NRXN3: variants seen among roughly 807,000 people sequenced by gnomAD.
NRXN3 encodes neurexin III.
Under a neutral mutation model 137.6 loss-of-function variants are expected in NRXN3, and 32 were observed. That is an observed-to-expected ratio of 0.23 (90% CI 0.18 to 0.31). The LOEUF (loss-of-function observed/expected upper bound fraction) is 0.31, where lower values mean the gene tolerates loss of function less well. Ranked by LOEUF, NRXN3 falls within the 10% of genes least tolerant of loss-of-function variation. NRXN3 has a pLI of 1.00. For synonymous variants in NRXN3, 798 were observed against 784.5 expected, an observed-to-expected ratio of 1.02 and a Z score of -0.29; for missense variants, 1,574 against 2,062.5, an observed-to-expected ratio of 0.76 and a Z score of 4.59.
chr14:79,809,186 A>G (rs998545390), intron 20 of NRXN3, among the ~76,000 whole-genome samples: 4 of 152,108 alleles, frequency 2.6e-5, no homozygotes, highest in African/African-American at 9.7e-5. Context: ...AAACCTATTG[A>G]CTCATTTAAA....
In NRXN3 at chr14:79,457,024, G is replaced by C. The variant is rs2096267150; in HGVS notation, c.3263-10197G>C. 4.6e-5 allele frequency among the ~76,000 whole-genome samples: 7 copies of C among 150,760 alleles called. No homozygotes were observed. The South Asian group carries it at 1.5e-3, about 32-fold the overall frequency. ...TTTTATCATCAGAGAGGCACTGATG[G>C]AGTGTTTCTCTGGTTCCAGGTTTAA... On this transcript the variant is annotated intron_variant, in intron 15 of 20. Transcript: ENST00000335750.
intron 4 of NRXN3, among the ~76,000 whole-genome samples, chr14:78,622,116 G>C (rs1320828330): frequency 6.6e-6 from 1 of 152,118 alleles, no homozygotes; most frequent in Non-Finnish European, 1.5e-5. Flanking sequence ...GATAGAGCTG[G>C]ATCAATGCCC....
At chr14:78,270,968 T>C (rs112886766) in intron 2 of NRXN3, among the ~76,000 whole-genome samples, 8,189 of 152,256 alleles carry the variant, frequency 0.054, 462 homozygotes, top group African/African-American at 0.14. Flanking sequence ...TGCACACATC[T>C]CAAACTTGTA....
chr14:78,338,495 G>T (rs996999989), intron 4 of NRXN3, among the ~76,000 whole-genome samples: 1 of 152,164 alleles, frequency 6.6e-6, no homozygotes, highest in Non-Finnish European at 1.5e-5. Flanking sequence ...TTGTCCCATA[G>T]CAAGCCACCT....
At chr14:78,565,038 A>G (rs1381023434) in intron 4 of NRXN3, among the ~76,000 whole-genome samples, 1 of 152,250 alleles carries the variant, frequency 6.6e-6, no homozygotes, top group East Asian at 1.9e-4. Flanking sequence ...TTGTATGACC[A>G]TATGTTGTCT....
rs572264044 is a variant in NRXN3 at position 78,946,189 on chromosome 14, G to A, written c.2276-11053G>A. 3.2e-4 allele frequency among the ~76,000 whole-genome samples: 48 copies of A among 152,298 alleles called. 1 individual carries two copies. The highest frequency in any genetic ancestry group is 3.4e-3 in the Middle Eastern group (1 of 294). On this transcript the variant is annotated intron_variant, in intron 10 of 20. Transcript: ENST00000335750. ...ATTGTCTGGTGGTCTATTATTAACG[G>A]GGTCTTGTGCAAGTATGTGAAGACA...
At chr14:78,498,152 TG>T (rs573294493) in intron 4 of NRXN3, among the ~76,000 whole-genome samples, 42 of 152,262 alleles carry the variant, frequency 2.8e-4, no homozygotes, top group African/African-American at 1.0e-3. Flanking sequence ...TTTCATGGAA[TG>T]GGTGCAACTC....
chr14:78,519,978 A>G (rs1261372093), intron 4 of NRXN3, among the ~76,000 whole-genome samples: 1 of 152,146 alleles, frequency 6.6e-6, no homozygotes, highest in East Asian at 1.9e-4. Flanking sequence ...ACCAAAGAAG[A>G]CCCAAGTTGT....
At chr14:78,636,106 C>G (rs961867424) in intron 4 of NRXN3, among the ~76,000 whole-genome samples, 19 of 152,138 alleles carry the variant, frequency 1.2e-4, no homozygotes, top group African/African-American at 3.9e-4. Context: ...CATAACATTT[C>G]CCTCTGATTT....
intron 16 of NRXN3, among the ~76,000 whole-genome samples, chr14:79,557,208 G>A (rs148960034): frequency 6.7e-4 from 102 of 151,952 alleles, no homozygotes; most frequent in Admixed American, 1.1e-3. Context: ...GCTTGACTGT[G>A]ATAGATTGAG....
At chr14:79,316,515 C>G (rs936626511) in intron 15 of NRXN3, among the ~76,000 whole-genome samples, 2 of 152,128 alleles carry the variant, frequency 1.3e-5, no homozygotes, top group Non-Finnish European at 2.9e-5. Context: ...GGGAAAGGGA[C>G]CGGATGATCG....
At chr14:78,201,685 A>G (rs1198399923) in intron 1 of NRXN3, among the ~76,000 whole-genome samples, 1 of 152,140 alleles carries the variant, frequency 6.6e-6, no homozygotes, top group Admixed American at 6.5e-5. Flanking sequence ...CCCGTTGCAT[A>G]TGTTTGCTAC....
Position 78,902,118 on chromosome 14 carries a change from A to T in NRXN3, c.2276-55124A>T, listed in dbSNP as rs117444642. Among the ~76,000 whole-genome samples the T allele has an allele frequency of 7.8e-4, 118 of 151,644 alleles. 3 individuals carry two copies. In the East Asian group the frequency reaches 0.021, roughly 27 times the overall value. ...ATTTCTGTGAGACTGAAGTATTTTGATCGAAATAGACAAGTGAGCAAAGGG... is the reference window on the plus strand; with the variant it reads ...ATTTCTGTGAGACTGAAGTATTTTGTTCGAAATAGACAAGTGAGCAAAGGG... On this transcript the variant is annotated intron_variant, in intron 10 of 20. Transcript: ENST00000335750.
chr14:78,397,405 A>G (rs1345973863), intron 4 of NRXN3, among the ~76,000 whole-genome samples: 1 of 146,780 alleles, frequency 6.8e-6, no homozygotes, highest in Non-Finnish European at 1.5e-5. Context: ...CAATTAATTG[A>G]TTTTTCTCCC....
chr14:78,938,723 CCTT>C (rs2099346747), intron 10 of NRXN3, among the ~76,000 whole-genome samples: 2 of 152,198 alleles, frequency 1.3e-5, no homozygotes, highest in South Asian at 2.1e-4. Flanking sequence ...CTTATTTAAA[CCTT>C]CTTTTTGAAA....
At chr14:78,666,694 C>T (rs1163186937) in intron 6 of NRXN3, among the ~76,000 whole-genome samples, 1 of 152,184 alleles carries the variant, frequency 6.6e-6, no homozygotes, top group East Asian at 1.9e-4. Context: ...CTGGTCCTTT[C>T]ACTACTGCCT....
intron 16 of NRXN3, among the ~76,000 whole-genome samples, chr14:79,478,792 G>C (rs2096581904): frequency 1.3e-5 from 2 of 152,040 alleles, no homozygotes; most frequent in Admixed American, 6.6e-5. Context: ...GAAGACCAAA[G>C]AGATGCTGAG....
At chr14:78,466,623 G>T (rs1445892432) in intron 4 of NRXN3, among the ~76,000 whole-genome samples, 1 of 152,198 alleles carries the variant, frequency 6.6e-6, no homozygotes, top group Non-Finnish European at 1.5e-5. Flanking sequence ...GAGCTATGGA[G>T]AAATTTTTAA....
At position 78,297,570 on chromosome 14, in the gene NRXN3, G is replaced by A. The variant is rs570874221; in HGVS notation, c.728-261G>A. Among the ~76,000 whole-genome samples the A allele has an allele frequency of 9.2e-5, 14 of 152,280 alleles. No homozygotes were observed. In the East Asian group the frequency reaches 2.7e-3, roughly 29 times the overall value. ...AGTTCTCGTGATTAGGCCCAGAGCAGTTCTGCAAACACAAGACTGTAAGCT... is the reference window on the plus strand; with the variant it reads ...AGTTCTCGTGATTAGGCCCAGAGCAATTCTGCAAACACAAGACTGTAAGCT... On this transcript the variant is annotated intron_variant, in intron 3 of 20. Coordinates refer to ENST00000335750, the MANE Select transcript of NRXN3 (RefSeq NM_001330195.2).
Sources: allele counts gnomAD v4.1 joint callset (sites outside exome capture counted in the v4.1 genomes callset), GRCh38; gene constraint gnomAD v4.1.1; transcripts MANE v1.5; gene names NCBI Gene and HGNC (gene_info 2026-07-23, HGNC 2026-07-21).